The following PRDM10 variants were observed in gnomAD, a reference collection of about 807,000 sequenced individuals.
The protein encoded by PRDM10 is PR domain zinc finger protein 10.
Under a neutral mutation model 133.1 loss-of-function variants are expected in PRDM10, and 65 were observed. The observed-to-expected ratio is 0.49, with a 90% CI of 0.40 to 0.60. The LOEUF is 0.60. Among genes scored for constraint, PRDM10 ranks in the 20% least tolerant of loss-of-function variants. The pLI is 0.00. For synonymous variants in PRDM10, 582 were observed against 580.4 expected, an observed-to-expected ratio of 1.00 and a Z score of -0.04; for missense variants, 1,137 against 1,507.1, an observed-to-expected ratio of 0.75 and a Z score of 4.07.
At chr11:129,919,449 A>G (rs2135763227) in intron 13 of PRDM10, among the ~76,000 whole-genome samples, 1 of 152,354 alleles carries the variant, frequency 6.6e-6, no homozygotes, top group East Asian at 1.9e-4. Context: ...AATTTAAGTA[A>G]GAATCTCTAT....
In PRDM10 at chr11:129,945,511, G is replaced by A. The variant is rs548235843; in HGVS notation, c.521-499C>T. ...TCTTATATCTCAGCCTAACTCAAAC[G>A]GAAAAAGGGTTGTGCGGTCTGAGAG... On this transcript the variant is annotated intron_variant, in intron 5 of 20. Coordinates refer to ENST00000360871, the MANE Select transcript of PRDM10 (RefSeq NM_199437.2). This position sits in a 1 kb window ranked among gnomAD's most constrained non-coding sequence, Gnocchi z 4.2. Among the ~76,000 whole-genome samples, 11 of 152,216 alleles carry A rather than the reference G, an allele frequency of 7.2e-5. No individual in the cohort carries two copies. The South Asian group carries it at 1.7e-3, about 23-fold the overall frequency.
At chr11:129,982,938 G>T (rs1182546775) in intron 1 of PRDM10, among the ~76,000 whole-genome samples, 2 of 152,070 alleles carry the variant, frequency 1.3e-5, no homozygotes, top group East Asian at 3.9e-4. Flanking sequence ...TCCAGCCAGG[G>T]CAACAAGCAA....
At chr11:129,922,256 G>A (rs1950542307) in intron 13 of PRDM10, among the ~76,000 whole-genome samples, 1 of 152,194 alleles carries the variant, frequency 6.6e-6, no homozygotes, top group Non-Finnish European at 1.5e-5. Flanking sequence ...TATGGTATCT[G>A]GCACAAAATG....
At chr11:129,913,232 A>C (rs897599195) in intron 17 of PRDM10, among the ~76,000 whole-genome samples, 35 of 151,884 alleles carry the variant, frequency 2.3e-4, no homozygotes, top group Admixed American at 1.4e-3. Flanking sequence ...AAAAAAAAAA[A>C]AAAAAAAACC....
intron 20 of PRDM10, among the ~76,000 whole-genome samples, chr11:129,902,906 G>T (rs941773615): frequency 1.3e-5 from 2 of 152,040 alleles, no homozygotes; most frequent in Non-Finnish European, 2.9e-5. Context: ...GATATTTAAA[G>T]TCTCCTTGAA....
chr11:129,944,426 C>T (rs1255532604), intron 6 of PRDM10, among the ~76,000 whole-genome samples: 3 of 151,904 alleles, frequency 2.0e-5, no homozygotes, highest in Non-Finnish European at 2.9e-5. Flanking sequence ...ACTAAAAATA[C>T]AAAAAGAAAT....
chr11:130,001,686 G>A (rs1189825595), intron 1 of PRDM10, among the ~76,000 whole-genome samples: 1 of 152,182 alleles, frequency 6.6e-6, no homozygotes, highest in Non-Finnish European at 1.5e-5. Context: ...GAGGGCAGAC[G>A]GGGAATATTC....
chr11:129,948,607 G>A (rs1356034558), intron 4 of PRDM10, among the ~76,000 whole-genome samples: 1 of 152,166 alleles, frequency 6.6e-6, no homozygotes, highest in Non-Finnish European at 1.5e-5. Flanking sequence ...AATTTCTGTG[G>A]AGCCCAGATC....
In PRDM10 at chr11:129,910,557, G is replaced by T; in HGVS notation, c.3082C>A (p.Gln1028Lys). The change falls in exon 19 of 21, where the codon CAG becomes AAG. Residue 1028 changes from glutamine to lysine, a missense_variant. Around this residue, in one of 6 missense-constraint regions of PRDM10, gnomAD observed 243 missense variants for 259.2 expected, o/e 0.94. Coordinates refer to ENST00000360871, the MANE Select transcript of PRDM10 (RefSeq NM_199437.2). ...GSSSTQGQAL[Q>K]QQQQQQQNSS... is the part of the protein sequence containing the mutation. ...TTCTGCTGCTGCTGCTGCTGCTGCT[G>T]CAGAGCCTGCCCCTGTGTGGAAGAA... The T allele has an allele frequency of 1.2e-6, 2 of 1,614,040 alleles. No homozygotes were observed.
chr11:129,924,426 G>A (rs1256008739), intron 12 of PRDM10, among the ~76,000 whole-genome samples: 1 of 152,088 alleles, frequency 6.6e-6, no homozygotes, highest in South Asian at 2.1e-4. Context: ...GGAGGCAGTC[G>A]GTTCCTGATA....
intron 1 of PRDM10, among the ~76,000 whole-genome samples, chr11:129,988,765 A>T (rs374758635): frequency 1.3e-5 from 2 of 151,786 alleles, no homozygotes; most frequent in African/African-American, 2.4e-5. Flanking sequence ...GAGTAGCTGG[A>T]ACTACAGGCG....
chr11:129,984,428 A>G (rs1166185360), intron 1 of PRDM10, among the ~76,000 whole-genome samples: 1 of 152,078 alleles, frequency 6.6e-6, no homozygotes, highest in Non-Finnish European at 1.5e-5. Flanking sequence ...TCTTCCCCAC[A>G]TGCACTGAGA....
chr11:129,933,339 A>G (rs773291545), intron 9 of PRDM10, among the ~76,000 whole-genome samples: 7 of 152,168 alleles, frequency 4.6e-5, no homozygotes, highest in Non-Finnish European at 8.8e-5. Flanking sequence ...TTTTCAAACC[A>G]TGGCCAACAT....
At chr11:129,977,437 C>T (rs889087406) in intron 1 of PRDM10, among the ~76,000 whole-genome samples, 16 of 152,144 alleles carry the variant, frequency 1.1e-4, no homozygotes, top group African/African-American at 2.9e-4. Context: ...ACACCCGCCA[C>T]CATGCCCAGC....
intron 1 of PRDM10, among the ~76,000 whole-genome samples, chr11:129,963,382 G>GAGACAAGAGA (rs775553291): frequency 6.7e-5 from 5 of 74,642 alleles, no homozygotes; most frequent in African/African-American, 1.8e-4. Context: ...AAAGAAAAAA[G>GAGACAAGAGA]AGAGAAGAGA....
At chr11:129,979,586 C>T (rs1937988158) in intron 1 of PRDM10, among the ~76,000 whole-genome samples, 1 of 152,212 alleles carries the variant, frequency 6.6e-6, no homozygotes. Context: ...TCCCCAGCAA[C>T]TTGAAACTAC....
Position 129,944,724 on chromosome 11 carries a change from A to G in PRDM10, c.762+47T>C, listed in dbSNP as rs529924164. 1.9e-5 allele frequency: 31 copies of G among 1,605,276 alleles called. No individual in the cohort carries two copies. In the African/African-American group the frequency reaches 3.9e-4, roughly 20 times the overall value. On this transcript the variant is annotated intron_variant, in intron 6 of 20. Coordinates refer to ENST00000360871, the MANE Select transcript of PRDM10 (RefSeq NM_199437.2). The stretch of plus-strand genomic sequence containing the variant: ...TGAGTAGACAACGCAGTGCTCCTTC[A>G]AACACTGGTAAAGGACAGGAGTGAA...
chr11:129,907,688 C>T (rs984573622), intron 19 of PRDM10, among the ~76,000 whole-genome samples: 2 of 151,958 alleles, frequency 1.3e-5, no homozygotes, highest in African/African-American at 4.8e-5. Flanking sequence ...CAGACGTGAG[C>T]CACTGTGCCT....
At chr11:129,941,357 A>C (rs1389673714) in intron 7 of PRDM10, among the ~76,000 whole-genome samples, 1 of 152,238 alleles carries the variant, frequency 6.6e-6, no homozygotes, top group Non-Finnish European at 1.5e-5. Context: ...TGTCATCAAG[A>C]ATTATTATTT....
Sources: allele counts gnomAD v4.1 joint callset (sites outside exome capture counted in the v4.1 genomes callset), GRCh38; gene constraint gnomAD v4.1.1; regional missense constraint gnomAD v4.1.1; non-coding constraint Gnocchi (gnomAD v3.1); transcripts MANE v1.5; gene names NCBI Gene and HGNC (gene_info 2026-07-23, HGNC 2026-07-21).